LEPR: variants seen among roughly 807,000 people sequenced by gnomAD.
LEPR encodes the protein leptin receptor.
Under a neutral mutation model 114.7 loss-of-function variants are expected in LEPR, and 56 were observed. The observed-to-expected ratio is 0.49, with a 90% CI of 0.39 to 0.61. LEPR has a LOEUF of 0.61. Among genes scored for constraint, LEPR ranks in the 20% least tolerant of loss-of-function variants. The pLI is 0.00. For synonymous variants in LEPR, 443 were observed against 461.4 expected, an observed-to-expected ratio of 0.96 and a Z score of 0.51; for missense variants, 1,202 against 1,352.9, an observed-to-expected ratio of 0.89 and a Z score of 1.75.
intron 2 of LEPR, among the ~76,000 whole-genome samples, chr1:65,441,771 G>C (rs1646652515): frequency 6.6e-6 from 1 of 152,186 alleles, no homozygotes; most frequent in Admixed American, 6.5e-5. Context: ...GCTGGAGCCT[G>C]AGGCTAAAAC....
intron 2 of LEPR, chr1:65,493,977 G>A (rs965575341): frequency 6.6e-6 from 1 of 152,170 alleles, no homozygotes; most frequent in Non-Finnish European, 1.5e-5. Context: ...AGAGTAAGAA[G>A]TTGGCACAAG....
chr1:65,488,107 C>CTCTT (rs1202835041), intron 2 of LEPR, among the ~76,000 whole-genome samples: 46 of 121,600 alleles, frequency 3.8e-4, no homozygotes, highest in Middle Eastern at 5.4e-3. Flanking sequence ...TTCTTTCTTT[C>CTCTT]TCTTTCTTTC....
intron 2 of LEPR, among the ~76,000 whole-genome samples, chr1:65,543,254 A>G (rs1420734864): frequency 6.6e-6 from 1 of 151,994 alleles, no homozygotes; most frequent in African/African-American, 2.4e-5. Context: ...GGACACATAA[A>G]TGTCTTCTTC....
intron 2 of LEPR, among the ~76,000 whole-genome samples, chr1:65,550,211 C>T (rs1461080543): frequency 1.3e-5 from 2 of 152,134 alleles, no homozygotes; most frequent in Non-Finnish European, 2.9e-5. Context: ...TGGGAGGTGT[C>T]GGTCTGCCCC....
intron 1 of LEPR, among the ~76,000 whole-genome samples, chr1:65,421,031 T>C (rs933604103): frequency 6.6e-6 from 1 of 152,220 alleles, no homozygotes; most frequent in Non-Finnish European, 1.5e-5. Flanking sequence ...GCCCTCCACC[T>C]CTCCTGAGTT....
chr1:65,430,943 A>T (rs1055408480), intron 2 of LEPR, among the ~76,000 whole-genome samples: 3 of 152,222 alleles, frequency 2.0e-5, no homozygotes, highest in Non-Finnish European at 4.4e-5. Flanking sequence ...TGGCTGTTGT[A>T]TGGAATGACA....
chr1:65,519,109 C>CTCCTTCCTTCCTTCCTTCCTTCCT (rs202044069), intron 2 of LEPR, among the ~76,000 whole-genome samples: 7 of 109,590 alleles, frequency 6.4e-5, no homozygotes, highest in Non-Finnish European at 9.1e-5. Flanking sequence ...GTGTCTCTCT[C>CTCCTTCCTTCCTTCCTTCCTTCCT]TCCTTCCTTC....
chr1:65,558,124 G>A (rs1652953750), intron 2 of LEPR, among the ~76,000 whole-genome samples: 2 of 152,132 alleles, frequency 1.3e-5, no homozygotes, highest in African/African-American at 4.8e-5. Context: ...GACACATCTT[G>A]ACTATAAAAC....
intron 5 of LEPR, among the ~76,000 whole-genome samples, chr1:65,589,349 T>A (rs1655532621): frequency 6.6e-6 from 1 of 152,092 alleles, no homozygotes; most frequent in South Asian, 2.1e-4. Context: ...TTGGCAAATA[T>A]GTTCTCTGTG....
chr1:65,566,504 C>T (rs1653771100), intron 3 of LEPR, among the ~76,000 whole-genome samples: 1 of 152,126 alleles, frequency 6.6e-6, no homozygotes, highest in Non-Finnish European at 1.5e-5. Flanking sequence ...CCAGCCGATA[C>T]ATTGCCAATA....
At chr1:65,474,352 T>C (rs953867874) in intron 2 of LEPR, among the ~76,000 whole-genome samples, 19 of 152,214 alleles carry the variant, frequency 1.2e-4, no homozygotes, top group Non-Finnish European at 2.5e-4. Context: ...TTTCATACTT[T>C]TAAAACTGAG....
Position 65,609,868 on chromosome 1 carries a change from A to G in LEPR, c.1753-79A>G, listed in dbSNP as rs1657056114. On this transcript the variant is annotated intron_variant, in intron 12 of 19. Coordinates refer to ENST00000349533, the MANE Select transcript of LEPR (RefSeq NM_002303.6). ...TAATTTTGGAATAGTGTTAAGGTTT[A>G]AAATAAAATGTACTTCAGGGCCCTT... is the stretch of plus-strand genomic sequence containing the variant. 3 of 1,593,682 alleles carry G rather than the reference A, an allele frequency of 1.9e-6. No homozygotes were observed. In the South Asian group the frequency reaches 3.3e-5, roughly 18 times the overall value.
At chr1:65,451,523 A>G (rs1232007939) in intron 2 of LEPR, among the ~76,000 whole-genome samples, 1 of 152,120 alleles carries the variant, frequency 6.6e-6, no homozygotes, top group Non-Finnish European at 1.5e-5. Context: ...AGTACCATTT[A>G]TTAAATAGGG....
chr1:65,485,995 C>A (rs1490875842), intron 2 of LEPR, among the ~76,000 whole-genome samples: 1 of 152,164 alleles, frequency 6.6e-6, no homozygotes. Flanking sequence ...TTAGCAAATA[C>A]TGTAAACCTT....
intron 16 of LEPR, 62 bp from the exon 17 acceptor site, chr1:65,619,862 AATGT>A: frequency 2.5e-6 from 3 of 1,208,596 alleles, no homozygotes; most frequent in Non-Finnish European, 2.4e-6. Context: ...TCTTTTTTAA[AATGT>A]ATGTTCCACT....
chr1:65,592,389 C>T (rs1286142098), intron 5 of LEPR, among the ~76,000 whole-genome samples: 1 of 150,926 alleles, frequency 6.6e-6, no homozygotes, highest in Non-Finnish European at 1.5e-5. Context: ...GCTGTTTTCG[C>T]TGGGTATAGG....
chr1:65,478,295 C>A (rs1647180600), intron 2 of LEPR, among the ~76,000 whole-genome samples: 1 of 152,178 alleles, frequency 6.6e-6, no homozygotes, highest in African/African-American at 2.4e-5. Context: ...TCCATCCTAA[C>A]TCACTCTATT....
At chr1:65,566,435 C>T (rs761848495) in intron 3 of LEPR, among the ~76,000 whole-genome samples, 3 of 152,090 alleles carry the variant, frequency 2.0e-5, no homozygotes, top group African/African-American at 2.4e-5. Flanking sequence ...CTCTTGACCT[C>T]GTGATCTGCC....
At chr1:65,596,765 A>G (rs1570779905) in intron 7 of LEPR, among the ~76,000 whole-genome samples, 172 bp downstream of exon 7, 2 of 152,138 alleles carry the variant, frequency 1.3e-5, no homozygotes, top group African/African-American at 2.4e-5. Flanking sequence ...ATACGTATGT[A>G]TATATATGGC....
Sources: gnomAD v4.1 joint callset for allele counts (sites outside exome capture counted in the v4.1 genomes callset) on GRCh38, gnomAD v4.1.1 for gene constraint, MANE v1.5 for transcripts, NCBI Gene and HGNC (gene_info 2026-07-23, HGNC 2026-07-21) for gene names.